TFB1M: variants seen among roughly 807,000 people sequenced by gnomAD.
TFB1M encodes dimethyladenosine transferase 1, mitochondrial.
A neutral mutation model predicts 31.1 loss-of-function variants in TFB1M; 27 were observed. The observed-to-expected ratio is 0.87, with a 90% CI of 0.64 to 1.20. TFB1M has a LOEUF of 1.20. Among genes scored for constraint, TFB1M ranks in the 50% most tolerant of loss-of-function variants. The pLI is 0.00. For synonymous variants in TFB1M, 166 were observed against 151.8 expected, an observed-to-expected ratio of 1.09 and a Z score of -0.69; for missense variants, 394 against 418.7, an observed-to-expected ratio of 0.94 and a Z score of 0.51.
chr6:155,251,569 T>C (rs914091334), downstream of TFB1M, among the ~76,000 whole-genome samples: 6 of 152,144 alleles, frequency 3.9e-5, no homozygotes, highest in Non-Finnish European at 1.5e-5. Flanking sequence ...TTACAGGCAT[T>C]AGCCACCGTG....
At chr6:155,236,265 CA>C in the TFB1M span, among the ~76,000 whole-genome samples, 1 of 151,896 alleles carries the variant, frequency 6.6e-6, no homozygotes, top group East Asian at 1.9e-4. Context: ...CTGGAGCCAG[CA>C]CCACTCCCAG....
In TFB1M at chr6:155,257,999, C is replaced by A. The variant is rs201634865; in HGVS notation, c.878G>T (p.Arg293Leu). Reference protein sequence around the residue: ...LADIDPTLRPRQLSISHFKSL... With the variant: ...LADIDPTLRPLQLSISHFKSL... ...CTTAAAGTGTGAGATGGAGAGCTGG[C>A]GGGGCCGAAGAGTAGGGTCTATGTC... The change falls in exon 7 of 7, where the codon CGC becomes CTC. Residue 293 changes from arginine (R) to leucine (L), a missense_variant. Physicochemically the swap from Arg to Leu is moderately radical, Grantham distance 102 (BLOSUM62 -2). This residue lies in a region of TFB1M where 115 missense variants were observed against 144.1 expected (regional missense o/e 0.80). Transcript: ENST00000367166. The A allele has an allele frequency of 6.2e-7, 1 of 1,614,192 alleles. No individual in the cohort carries two copies. The highest frequency in any genetic ancestry group is 8.5e-7 in the Non-Finnish European group (1 of 1,180,038).
chr6:155,269,352 C>T (rs1184340777), intron 5 of TFB1M, among the ~76,000 whole-genome samples: 1 of 124,710 alleles, frequency 8.0e-6, no homozygotes, highest in Non-Finnish European at 1.6e-5. Context: ...GATGGAGTCT[C>T]GCTCTGTCAC....
At chr6:155,282,909 A>G (rs565380280) in intron 5 of TFB1M, among the ~76,000 whole-genome samples, 1 of 151,966 alleles carries the variant, frequency 6.6e-6, no homozygotes, top group East Asian at 2.0e-4. Context: ...TTGTATTTTT[A>G]GTAGAGACGG....
intron 5 of TFB1M, among the ~76,000 whole-genome samples, chr6:155,282,820 C>T (rs1228561160): frequency 2.0e-5 from 3 of 151,990 alleles, no homozygotes; most frequent in Admixed American, 6.6e-5. Flanking sequence ...CTCCGCCTCC[C>T]GGGTTCATGC....
At chr6:155,254,711 A>G, downstream of TFB1M, 1 of 1,105,320 alleles carries the variant, frequency 9.0e-7, no homozygotes, top group Non-Finnish European at 1.3e-6. Flanking sequence ...AAGAAACCTA[A>G]ACATGCCTCT....
intron 4 of TFB1M, among the ~76,000 whole-genome samples, chr6:155,291,079 A>G (rs577036177): frequency 1.1e-3 from 161 of 152,308 alleles, no homozygotes; most frequent in African/African-American, 3.8e-3. Flanking sequence ...GGAGGGGGAC[A>G]TGGAACCCTC....
chr6:155,258,618 AG>A (rs575716041), intron 6 of TFB1M, among the ~76,000 whole-genome samples: 68 of 152,348 alleles, frequency 4.5e-4, no homozygotes, highest in African/African-American at 1.6e-3. Context: ...TTTGAAGTAG[AG>A]GATATATTTT....
At chr6:155,261,933 A>T (rs1322808391) in intron 5 of TFB1M, among the ~76,000 whole-genome samples, 2 of 152,234 alleles carry the variant, frequency 1.3e-5, no homozygotes, top group Admixed American at 1.3e-4. Flanking sequence ...TGACTTAACT[A>T]AGATGTCAAA....
the TFB1M span, among the ~76,000 whole-genome samples, chr6:155,236,093 G>A: frequency 1.3e-5 from 2 of 152,180 alleles, no homozygotes; most frequent in African/African-American, 4.8e-5. Flanking sequence ...TTTCAAATCA[G>A]TGAGTCTTGG....
the TFB1M span, chr6:155,244,547 C>T: frequency 5.3e-6 from 7 of 1,328,010 alleles, no homozygotes; most frequent in African/African-American, 2.9e-5. Context: ...TACTTTCTGT[C>T]TGCTTTTCCG....
intron 5 of TFB1M, chr6:155,275,855 C>G: frequency 2.5e-6 from 4 of 1,614,166 alleles, no homozygotes; most frequent in Non-Finnish European, 3.4e-6. Flanking sequence ...AGCCATTGTA[C>G]AGCTGCACGG....
chr6:155,235,720 CT>C, the TFB1M span, among the ~76,000 whole-genome samples: 1 of 152,204 alleles, frequency 6.6e-6, no homozygotes, highest in African/African-American at 2.4e-5. Context: ...CACTTGAACA[CT>C]TAATTGTGGT....
downstream of TFB1M, chr6:155,253,270 T>C (rs1783783944): frequency 3.9e-6 from 2 of 518,912 alleles, no homozygotes; most frequent in South Asian, 3.2e-5. Flanking sequence ...ATGCCTTTCA[T>C]TGTTTCCTTA....
intron 4 of TFB1M, among the ~76,000 whole-genome samples, chr6:155,287,269 C>T (rs868081709): frequency 1.3e-5 from 2 of 152,102 alleles, no homozygotes; most frequent in Non-Finnish European, 2.9e-5. Flanking sequence ...CCTCATGACC[C>T]TCTAGGTCTC....
chr6:155,261,613 T>TG, intron 5 of TFB1M, among the ~76,000 whole-genome samples: 1 of 152,142 alleles, frequency 6.6e-6, no homozygotes, highest in Non-Finnish European at 1.5e-5. Context: ...GACGCGCTTG[T>TG]GGGAGGTGCC....
chr6:155,286,877 TATAA>T (rs1776685179), intron 4 of TFB1M, among the ~76,000 whole-genome samples: 2 of 151,862 alleles, frequency 1.3e-5, no homozygotes, highest in South Asian at 2.1e-4. Context: ...AATAAAACAT[TATAA>T]ATGTTTGTAA....
At chr6:155,279,902 T>C (rs980591348) in intron 5 of TFB1M, among the ~76,000 whole-genome samples, 1 of 152,156 alleles carries the variant, frequency 6.6e-6, no homozygotes, top group Non-Finnish European at 1.5e-5. Context: ...TACCTGATTT[T>C]TAAGGAGGAT....
intron 1 of TFB1M, chr6:155,313,997 T>C: frequency 1.2e-6 from 1 of 831,592 alleles, no homozygotes; most frequent in Non-Finnish European, 1.7e-6. Flanking sequence ...CAGATTCCAA[T>C]ATTCACTAGC....
Sources: gnomAD v4.1 joint callset for allele counts (sites outside exome capture counted in the v4.1 genomes callset) on GRCh38, gnomAD v4.1.1 for gene constraint, gnomAD v4.1.1 regional missense constraint, MANE v1.5 for transcripts, NCBI Gene and HGNC (gene_info 2026-07-23, HGNC 2026-07-21) for gene names.